Variants in PARP4 observed in about 807,000 individuals in gnomAD.
PARP4 encodes the protein protein mono-ADP-ribosyltransferase PARP4.
Under a neutral mutation model 187.7 loss-of-function variants are expected in PARP4, and 120 were observed. The observed-to-expected ratio is 0.64, with a 90% CI of 0.55 to 0.74. The LOEUF is 0.74. Ranked by LOEUF, PARP4 falls within the 30% of genes least tolerant of loss-of-function variation. The pLI is 0.00. For missense variants in PARP4, 1,836 were observed against 2,070.5 expected, an observed-to-expected ratio of 0.89 and a Z score of 2.20; for synonymous variants, 654 against 740.9, an observed-to-expected ratio of 0.88 and a Z score of 1.90.
At chr13:24,478,992 G>C (rs1488317317) in intron 12 of PARP4, among the ~76,000 whole-genome samples, 3 of 152,196 alleles carry the variant, frequency 2.0e-5, no homozygotes, top group Admixed American at 1.3e-4. Flanking sequence ...TGGGTACCAA[G>C]TGAGTAAGAA....
At chr13:24,423,948 C>T (rs1380151789) in intron 33 of PARP4, among the ~76,000 whole-genome samples, 2 of 152,060 alleles carry the variant, frequency 1.3e-5, no homozygotes, top group African/African-American at 2.4e-5. Flanking sequence ...CAGGTGTGAG[C>T]CACCGTGCCC....
At chr13:24,503,087 T>C (rs1230179650) in intron 2 of PARP4, among the ~76,000 whole-genome samples, 1 of 152,238 alleles carries the variant, frequency 6.6e-6, no homozygotes, top group African/African-American at 2.4e-5. Context: ...ATTTCTAAGA[T>C]TTCATCCAGC....
intron 1 of PARP4, among the ~76,000 whole-genome samples, chr13:24,504,531 G>A (rs192512409): frequency 1.5e-4 from 23 of 151,086 alleles, no homozygotes; most frequent in Admixed American, 1.5e-3. Flanking sequence ...ACCAGGCTGG[G>A]CTCAAACCCA....
intron 1 of PARP4, among the ~76,000 whole-genome samples, chr13:24,512,151 C>G (rs1196882730): frequency 6.6e-6 from 1 of 152,210 alleles, no homozygotes; most frequent in Non-Finnish European, 1.5e-5. Context: ...CTGTGATCTA[C>G]CAACTCGATC....
chr13:24,472,040 T>G (rs1358237809), intron 15 of PARP4, among the ~76,000 whole-genome samples: 1 of 152,230 alleles, frequency 6.6e-6, no homozygotes, highest in East Asian at 1.9e-4. Flanking sequence ...TCTACCATGC[T>G]GCACTATGGT....
chr13:24,471,321 G>A (rs922845698), intron 15 of PARP4, among the ~76,000 whole-genome samples: 11 of 152,186 alleles, frequency 7.2e-5, no homozygotes, highest in Non-Finnish European at 1.3e-4. Flanking sequence ...CTAGTTAGCA[G>A]GCCCGCCTTT....
chr13:24,476,163 A>T, intron 14 of PARP4, among the ~76,000 whole-genome samples: 1 of 147,298 alleles, frequency 6.8e-6, no homozygotes, highest in African/African-American at 2.5e-5. Flanking sequence ...TCTTTGGTAG[A>T]GATTGGAGTT....
intron 20 of PARP4, among the ~76,000 whole-genome samples, chr13:24,458,427 A>AT (rs1309745083): frequency 6.6e-6 from 1 of 150,724 alleles, no homozygotes; most frequent in African/African-American, 2.4e-5. Context: ...TTTTTTTTTA[A>AT]TTAGCCAGGT....
Position 24,459,262 on chromosome 13 carries a change from AC to A in PARP4, c.2345+1del. 6.3e-7 allele frequency: 1 copy of A among 1,587,464 alleles called. No individual in the cohort carries two copies. ...GACAGGTTTTATATTTTAGGTACTA[AC>A]CTTTGCTTTGTTCCTATTTCTTTTA... On this transcript the variant is annotated splice_donor_variant, in intron 19 of 33. Transcript: ENST00000381989. LOFTEE classifies it high-confidence loss of function.
chr13:24,494,501 T>G (rs1273811434), intron 7 of PARP4, 72 bp downstream of exon 7: 40 of 1,390,356 alleles, frequency 2.9e-5, no homozygotes, highest in Non-Finnish European at 4.0e-5. Flanking sequence ...CCCAGTCTTT[T>G]ATTTGTAATA....
chr13:24,507,393 G>A (rs1345826233), intron 1 of PARP4, among the ~76,000 whole-genome samples: 1 of 152,198 alleles, frequency 6.6e-6, no homozygotes, highest in East Asian at 1.9e-4. Context: ...TCTCAATTGA[G>A]GACACAGTGC....
chr13:24,456,239 A>G (rs1871844824), intron 21 of PARP4, 102 bp downstream of exon 21: 5 of 875,566 alleles, frequency 5.7e-6, no homozygotes, highest in Non-Finnish European at 8.6e-6. Flanking sequence ...TCATTTTGTA[A>G]TGCTAGTTTT....
At chr13:24,477,586 A>T (rs139974327) in intron 14 of PARP4, 115 bp downstream of exon 14, 3 of 653,596 alleles carry the variant, frequency 4.6e-6, no homozygotes, top group Non-Finnish European at 7.9e-6. Context: ...GAAATGAAAT[A>T]CTTATGGATG....
intron 24 of PARP4, 63 bp from the exon 25 acceptor site, chr13:24,449,880 A>C (rs1213147040): frequency 2.1e-5 from 21 of 1,018,828 alleles, no homozygotes; most frequent in Non-Finnish European, 9.2e-6. Context: ...GTACATGTTA[A>C]CAGTGTTGAG....
intron 32 of PARP4, among the ~76,000 whole-genome samples, chr13:24,427,614 T>A (rs1219352591): frequency 1.3e-5 from 2 of 152,174 alleles, no homozygotes; most frequent in Admixed American, 6.5e-5. Context: ...TTTTTTTGAG[T>A]AAAGACAAAA....
At chr13:24,487,282 A>T (rs907026899) in intron 10 of PARP4, among the ~76,000 whole-genome samples, 1 of 145,512 alleles carries the variant, frequency 6.9e-6, no homozygotes, top group Admixed American at 6.8e-5. Context: ...AAAGTGATCA[A>T]ATACCTTAAG....
In PARP4 at chr13:24,455,023, C is replaced by T. The variant is rs746722341; in HGVS notation, c.2752G>A (p.Gly918Ser). The change falls in exon 22 of 34, where the codon GGC becomes AGC. Residue 918 changes from glycine to serine, a missense_variant. Gly to Ser is a moderately conservative substitution (Grantham distance 56). Around this residue, in one of 8 missense-constraint regions of PARP4, gnomAD observed 1,147 missense variants for 1,214.2 expected, o/e 0.94. Coordinates refer to ENST00000381989, the MANE Select transcript of PARP4 (RefSeq NM_006437.4). Reference sequence around the variant, plus strand: ...AGGGCCAAAGCGCACTCACCTGTGCCGAACTGGATAATATTTACTTTCTGC... The same window carrying T: ...AGGGCCAAAGCGCACTCACCTGTGCTGAACTGGATAATATTTACTTTCTGC... Reference protein sequence around the residue: ...EKQKVNIIQFGTGYKELFSYP... With the variant: ...EKQKVNIIQFSTGYKELFSYP... 1.9e-5 allele frequency: 30 copies of T among 1,597,112 alleles called. No individual in the cohort carries two copies. Among genetic ancestry groups the T allele is most frequent in the Middle Eastern group, 1.7e-4 (1 of 6,014 alleles).
At chr13:24,463,575 G>C (rs950240201) in intron 17 of PARP4, among the ~76,000 whole-genome samples, 1 of 152,066 alleles carries the variant, frequency 6.6e-6, no homozygotes, top group African/African-American at 2.4e-5. Context: ...ACACAGAAAA[G>C]GCCTTTAATA....
chr13:24,510,417 A>G (rs1012139699), intron 1 of PARP4, among the ~76,000 whole-genome samples: 42 of 151,390 alleles, frequency 2.8e-4, no homozygotes, highest in Non-Finnish European at 4.1e-4. Context: ...AGCCGGGCGT[A>G]GTGGCGGGTG....
Sources: allele counts gnomAD v4.1 joint callset (sites outside exome capture counted in the v4.1 genomes callset), GRCh38; gene constraint gnomAD v4.1.1; regional missense constraint gnomAD v4.1.1; transcripts MANE v1.5; gene names NCBI Gene and HGNC (gene_info 2026-07-23, HGNC 2026-07-21).